The following HECW1 variants were observed in gnomAD, a reference collection of about 807,000 sequenced individuals.
The protein encoded by HECW1 is E3 ubiquitin-protein ligase HECW1.
In HECW1, 61 loss-of-function variants were observed where a neutral mutation model predicts 182.3. That is an observed-to-expected ratio of 0.33 (90% CI 0.27 to 0.41). The LOEUF (loss-of-function observed/expected upper bound fraction) is 0.41. Among genes scored for constraint, HECW1 ranks in the 10% least tolerant of loss-of-function variants. HECW1 has a pLI of 1.00. For synonymous variants in HECW1, 859 were observed against 832.6 expected (o/e 1.03, Z -0.55); for missense variants, 1,739 against 2,108.9 (o/e 0.82, Z 3.44).
intron 3 of HECW1, among the ~76,000 whole-genome samples, chr7:43,305,585 TTTGTTGTTG>T (rs144135825): frequency 4.0e-4 from 61 of 150,764 alleles, no homozygotes; most frequent in African/African-American, 1.4e-3. Flanking sequence ...TGGATAGTGT[TTTGTTGTTG>T]TTGTTGTTGT....
At chr7:43,132,788 G>C (rs1562580069) in intron 2 of HECW1, among the ~76,000 whole-genome samples, 2 of 151,754 alleles carry the variant, frequency 1.3e-5, no homozygotes, top group African/African-American at 4.8e-5. Flanking sequence ...CCCTTCCTCT[G>C]TTCCTTCCTT....
Position 43,320,731 on chromosome 7 carries a change from A to T in HECW1, c.449A>T (p.Tyr150Phe), listed in dbSNP as rs1562832118. Residue 150 changes from tyrosine (Y) to phenylalanine (F), a missense_variant, in exon 5 of 30, where the codon TAC becomes TTC. Transcript: ENST00000395891. ...ATCTGGAAGATCGATGCCAGCTCGT[A>T]CTTTGTGGAACGTGAGTACCTTTAC... is the stretch of plus-strand genomic sequence containing the variant. Reference protein sequence around the residue: ...QIIWKIDASSYFVEPETKICF... With the variant: ...QIIWKIDASSFFVEPETKICF... 3.1e-6 allele frequency: 5 copies of T among 1,612,394 alleles called. No homozygotes were observed. The highest frequency in any genetic ancestry group is 3.4e-6 in the Non-Finnish European group (4 of 1,178,374).
intron 7 of HECW1, among the ~76,000 whole-genome samples, chr7:43,404,313 T>C (rs1584785513): frequency 6.6e-6 from 1 of 152,332 alleles, no homozygotes; most frequent in East Asian, 1.9e-4. Context: ...TGAAGAAACA[T>C]GTGCTCTTGA....
intron 5 of HECW1, among the ~76,000 whole-genome samples, chr7:43,352,856 T>C (rs1479538757): frequency 6.6e-6 from 1 of 152,184 alleles, no homozygotes; most frequent in African/African-American, 2.4e-5. Flanking sequence ...TTAAACTTAA[T>C]TGAACATTTT....
intron 4 of HECW1, among the ~76,000 whole-genome samples, chr7:43,320,152 T>C (rs543041959): frequency 2.6e-5 from 4 of 152,120 alleles, no homozygotes; most frequent in Non-Finnish European, 5.9e-5. Flanking sequence ...GGTGCGACCA[T>C]GTATAGGATG....
At chr7:43,485,981 T>G (rs911953549) in intron 17 of HECW1, among the ~76,000 whole-genome samples, 4 of 152,172 alleles carry the variant, frequency 2.6e-5, no homozygotes, top group African/African-American at 9.7e-5. Context: ...TTACATTAGG[T>G]ATTTCTCCTA....
chr7:43,170,295 T>C (rs1175679772), intron 2 of HECW1, among the ~76,000 whole-genome samples: 3 of 152,138 alleles, frequency 2.0e-5, no homozygotes, highest in African/African-American at 7.2e-5. Context: ...TACAATGTAA[T>C]AATAGTAGAA....
chr7:43,126,574 G>A (rs1184354383), intron 2 of HECW1, among the ~76,000 whole-genome samples: 3 of 152,098 alleles, frequency 2.0e-5, no homozygotes, highest in Non-Finnish European at 2.9e-5. Context: ...TGATTTATAT[G>A]AAAACAAGTA....
intron 5 of HECW1, among the ~76,000 whole-genome samples, chr7:43,340,054 C>T (rs1812766325): frequency 6.6e-6 from 1 of 151,908 alleles, no homozygotes; most frequent in African/African-American, 2.4e-5. Flanking sequence ...TACAGGTTAC[C>T]AGAAACCTCT....
intron 6 of HECW1, among the ~76,000 whole-genome samples, chr7:43,385,088 T>C (rs1171567811): frequency 6.6e-6 from 1 of 151,734 alleles, no homozygotes; most frequent in Non-Finnish European, 1.5e-5. Context: ...AAAAAGATCC[T>C]GAATTCAAAG....
intron 2 of HECW1, among the ~76,000 whole-genome samples, chr7:43,160,888 T>A (rs370666485): frequency 1.4e-4 from 21 of 152,274 alleles, no homozygotes; most frequent in African/African-American, 5.1e-4. Context: ...CCTTTTACAG[T>A]TGTCGTATTT....
At chr7:43,316,711 G>A (rs1434110210) in intron 4 of HECW1, among the ~76,000 whole-genome samples, 1 of 119,708 alleles carries the variant, frequency 8.4e-6, no homozygotes, top group East Asian at 2.5e-4. Flanking sequence ...CCACACTGAG[G>A]TGGAGAGTGT....
intron 2 of HECW1, among the ~76,000 whole-genome samples, chr7:43,154,123 C>A (rs1789635154): frequency 6.6e-6 from 1 of 152,130 alleles, no homozygotes; most frequent in African/African-American, 2.4e-5. Flanking sequence ...TATTGATTTC[C>A]TCTATGGCAA....
intron 6 of HECW1, among the ~76,000 whole-genome samples, chr7:43,361,425 G>C (rs1057381098): frequency 6.6e-6 from 1 of 152,048 alleles, no homozygotes; most frequent in African/African-American, 2.4e-5. Flanking sequence ...GTTGATTTTA[G>C]TCATAGAATT....
intron 2 of HECW1, among the ~76,000 whole-genome samples, chr7:43,143,534 C>A (rs1447475337): frequency 6.6e-6 from 1 of 152,192 alleles, no homozygotes; most frequent in Non-Finnish European, 1.5e-5. Flanking sequence ...AATCCTCCCA[C>A]CTCAGCCTCC....
rs1583544761 is a variant in HECW1, at chr7:43,112,808, G to T, written c.-396G>T. 1 of 229,030 alleles carries T rather than the reference G, an allele frequency of 4.4e-6. No individual in the cohort carries two copies. The highest frequency in any genetic ancestry group is 8.7e-6 in the Non-Finnish European group (1 of 115,364). 14.2% of individuals were successfully genotyped at this position (229,030 alleles called of 1,614,324 possible). ...CCGGCAGCCAGAGCGCAGCGAGAGC[G>T]GGCGGTCGCCAGGGTCCCCTCCCCA... On this transcript the variant is annotated 5_prime_UTR_variant, in exon 1 of 30. Transcript: ENST00000395891.
chr7:43,130,969 T>C (rs1786852432), intron 2 of HECW1, among the ~76,000 whole-genome samples: 1 of 152,196 alleles, frequency 6.6e-6, no homozygotes, highest in Non-Finnish European at 1.5e-5. Flanking sequence ...ATGTTTTATG[T>C]ATAAAATTTT....
intron 6 of HECW1, among the ~76,000 whole-genome samples, chr7:43,363,927 G>A (rs927469311): frequency 7.2e-5 from 11 of 152,126 alleles, no homozygotes; most frequent in African/African-American, 1.9e-4. Context: ...GCAACTTTCC[G>A]GGTTAAATAA....
chr7:43,182,392 C>G (rs185884162), intron 2 of HECW1, among the ~76,000 whole-genome samples: 116 of 152,270 alleles, frequency 7.6e-4, no homozygotes, highest in African/African-American at 2.6e-3. Context: ...TTTCCCAGCC[C>G]CATTTACTGA....
Sources: gnomAD v4.1 joint callset for allele counts (sites outside exome capture counted in the v4.1 genomes callset) on GRCh38, gnomAD v4.1.1 for gene constraint, MANE v1.5 for transcripts, NCBI Gene and HGNC (gene_info 2026-07-23, HGNC 2026-07-21) for gene names.